ATOSA: variants seen among roughly 807,000 people sequenced by gnomAD.
ATOSA encodes atos homolog protein A.
the ATOSA span, among the ~76,000 whole-genome samples, chr15:52,690,151 G>A: frequency 1.3e-5 from 2 of 152,198 alleles, no homozygotes; most frequent in Non-Finnish European, 2.9e-5. Flanking sequence ...CAAATCATGA[G>A]TGAAGAAGTT....
chr15:52,603,240 C>T, the ATOSA span, among the ~76,000 whole-genome samples: 1 of 152,154 alleles, frequency 6.6e-6, no homozygotes, highest in East Asian at 1.9e-4. Context: ...TGCTCAACAC[C>T]ACTAATCAGA....
At chr15:52,670,229 A>C in the ATOSA span, among the ~76,000 whole-genome samples, 1 of 152,186 alleles carries the variant, frequency 6.6e-6, no homozygotes, top group Non-Finnish European at 1.5e-5. Flanking sequence ...CGGAGTTCTG[A>C]AACACTCATT....
the ATOSA span, among the ~76,000 whole-genome samples, chr15:52,705,802 A>G: frequency 6.6e-6 from 1 of 152,126 alleles, no homozygotes; most frequent in South Asian, 2.1e-4. Flanking sequence ...TTCCATCACC[A>G]TAGATTAGTT....
the ATOSA span, among the ~76,000 whole-genome samples, chr15:52,605,719 T>C: frequency 6.6e-6 from 1 of 152,144 alleles, no homozygotes; most frequent in Non-Finnish European, 1.5e-5. Flanking sequence ...TGTCCAAATG[T>C]AAATGCTTTA....
chr15:52,644,500 A>G, the ATOSA span, among the ~76,000 whole-genome samples: 1 of 152,226 alleles, frequency 6.6e-6, no homozygotes, highest in East Asian at 1.9e-4. Flanking sequence ...ATGAGAATTA[A>G]GACCAACTAC....
chr15:52,604,349 T>C, the ATOSA span, among the ~76,000 whole-genome samples: 1 of 152,252 alleles, frequency 6.6e-6, no homozygotes, highest in Admixed American at 6.5e-5. Context: ...CTCCAAGTTA[T>C]ACATTTAAAT....
At chr15:52,630,471 G>A in the ATOSA span, among the ~76,000 whole-genome samples, 2 of 152,124 alleles carry the variant, frequency 1.3e-5, no homozygotes, top group Non-Finnish European at 2.9e-5. Flanking sequence ...CTTAATCATT[G>A]CAAAATACAA....
the ATOSA span, chr15:52,613,926 T>A: frequency 8.4e-7 from 1 of 1,192,734 alleles, no homozygotes; most frequent in Non-Finnish European, 1.2e-6. Flanking sequence ...CTGGTCTGCC[T>A]AAAATAACTA....
chr15:52,659,617 T>G, the ATOSA span, among the ~76,000 whole-genome samples: 285 of 152,266 alleles, frequency 1.9e-3, no homozygotes, highest in Admixed American at 3.0e-3. Flanking sequence ...AGATGCAATA[T>G]CCTACAAAAC....
chr15:52,651,496 C>T, the ATOSA span, among the ~76,000 whole-genome samples: 4 of 152,174 alleles, frequency 2.6e-5, no homozygotes, highest in African/African-American at 9.7e-5. Context: ...GTCTTAACAG[C>T]TTTAATTTAA....
the ATOSA span, among the ~76,000 whole-genome samples, chr15:52,674,858 A>G: frequency 6.6e-6 from 1 of 151,056 alleles, no homozygotes; most frequent in Non-Finnish European, 1.5e-5. Context: ...ATGCTTATAT[A>G]TAAGCTTATA....
At chr15:52,616,142 C>T in the ATOSA span, among the ~76,000 whole-genome samples, 234 of 152,282 alleles carry the variant, frequency 1.5e-3, 7 homozygotes, top group East Asian at 0.041. Flanking sequence ...GATAACCACT[C>T]GTACAGACGT....
chr15:52,684,727 T>C, the ATOSA span, among the ~76,000 whole-genome samples: 2 of 152,224 alleles, frequency 1.3e-5, no homozygotes, highest in Non-Finnish European at 2.9e-5. Flanking sequence ...CTTTCTTTCT[T>C]TTTTTCAAAT....
chr15:52,606,947 C>T, the ATOSA span, among the ~76,000 whole-genome samples: 6 of 151,854 alleles, frequency 4.0e-5, no homozygotes, highest in African/African-American at 1.5e-4. Context: ...GAAAGTGAAG[C>T]CTAATGATTT....
chr15:52,604,140 G>A, the ATOSA span, among the ~76,000 whole-genome samples: 1 of 152,182 alleles, frequency 6.6e-6, no homozygotes, highest in African/African-American at 2.4e-5. Context: ...GAAAAAACAT[G>A]GCCGGGCGCC....
the ATOSA span, chr15:52,609,200 T>C: frequency 6.2e-7 from 1 of 1,612,392 alleles, no homozygotes; most frequent in Non-Finnish European, 8.5e-7. Flanking sequence ...TTTTCTTTAC[T>C]ATTATTTTTA....
chr15:52,638,019 G>A, the ATOSA span, among the ~76,000 whole-genome samples: 1 of 152,138 alleles, frequency 6.6e-6, no homozygotes, highest in East Asian at 1.9e-4. Context: ...TATAAAAGCA[G>A]CTTGAGTGTC....
chr15:52,631,298 T>C, the ATOSA span, among the ~76,000 whole-genome samples: 1 of 152,176 alleles, frequency 6.6e-6, no homozygotes, highest in Non-Finnish European at 1.5e-5. Context: ...GTGGTACTAG[T>C]TAGTGAAAAA....
At chr15:52,612,008 T>C in the ATOSA span, among the ~76,000 whole-genome samples, 5 of 152,162 alleles carry the variant, frequency 3.3e-5, no homozygotes, top group African/African-American at 1.2e-4. Context: ...TTTTTGCGAC[T>C]GAGACTTGCT....
Sources: gnomAD v4.1 joint callset for allele counts (sites outside exome capture counted in the v4.1 genomes callset) on GRCh38, gnomAD v4.1.1 for gene constraint, MANE v1.5 for transcripts, NCBI Gene and HGNC (gene_info 2026-07-23, HGNC 2026-07-21) for gene names.